The following GABRB1 variants were observed in gnomAD, a reference collection of about 807,000 sequenced individuals.
GABRB1 encodes gamma-aminobutyric acid receptor subunit beta-1.
A neutral mutation model predicts 51.6 loss-of-function variants in GABRB1; 17 were observed. That is an observed-to-expected ratio of 0.33 (90% CI 0.23 to 0.49). The LOEUF is 0.49. Ranked by LOEUF, GABRB1 falls within the 20% of genes least tolerant of loss-of-function variation. The pLI is 0.99. For missense variants in GABRB1, 410 were observed against 600.6 expected (o/e 0.68, Z 3.32); for synonymous variants, 247 against 218.9 (o/e 1.13, Z -1.14).
At chr4:47,306,900 T>A (rs2109946433) in intron 4 of GABRB1, among the ~76,000 whole-genome samples, 1 of 152,322 alleles carries the variant, frequency 6.6e-6, no homozygotes, top group Non-Finnish European at 1.5e-5. Flanking sequence ...TGGTGTTTAC[T>A]CATTTTGCTT....
At chr4:47,111,088 T>C (rs928150384) in intron 3 of GABRB1, among the ~76,000 whole-genome samples, 2 of 152,218 alleles carry the variant, frequency 1.3e-5, no homozygotes, top group African/African-American at 2.4e-5. Context: ...AATATTGCAT[T>C]AATTTTCAGT....
chr4:47,026,071 T>C lies in GABRB1; in HGVS notation c.-19-5843T>C, dbSNP rs552811086. 2.1e-3 allele frequency among the ~76,000 whole-genome samples: 316 copies of C among 152,196 alleles called. 4 individuals are homozygous for C. The highest frequency in any genetic ancestry group is 2.0e-3 in the Non-Finnish European group (135 of 67,948). On this transcript the variant is annotated intron_variant, in intron 1 of 3. Transcript: ENST00000513567. The stretch of plus-strand genomic sequence containing the variant: ...TTTTGCTGGCCGCAATGGCAGCTAC[T>C]CTGAAGGCCGAGGTGGGAGGATCTC...
At chr4:47,389,546 T>A (rs1727915346) in intron 5 of GABRB1, among the ~76,000 whole-genome samples, 1 of 152,348 alleles carries the variant, frequency 6.6e-6, no homozygotes, top group African/African-American at 2.4e-5. Context: ...TTATCAGGAA[T>A]CAAACATTAA....
intron 4 of GABRB1, among the ~76,000 whole-genome samples, chr4:47,278,071 T>C (rs868201226): frequency 6.6e-6 from 1 of 152,088 alleles, no homozygotes; most frequent in African/African-American, 2.4e-5. Flanking sequence ...AGTTTTATAT[T>C]TGGAGAGACA....
intron 4 of GABRB1, among the ~76,000 whole-genome samples, chr4:47,244,143 A>G (rs1332609663): frequency 6.6e-6 from 1 of 152,144 alleles, no homozygotes; most frequent in East Asian, 1.9e-4. Context: ...TGAGATAATT[A>G]TGTGGTTTTT....
In GABRB1 at chr4:47,340,763, A is replaced by G. The variant is rs548275337; in HGVS notation, c.544+20554A>G. Reference sequence around the variant, plus strand: ...CACTCAGGCCATAGCAGGTAACAATACATCTCTTTGGCAAACTCAAACCTG... The same window carrying G: ...CACTCAGGCCATAGCAGGTAACAATGCATCTCTTTGGCAAACTCAAACCTG... On this transcript the variant is annotated intron_variant, in intron 5 of 8. Transcript: ENST00000295454. Among the ~76,000 whole-genome samples the G allele has an allele frequency of 3.9e-5, 6 of 152,326 alleles. No individual in the cohort carries two copies. In the South Asian group the frequency reaches 1.2e-3, roughly 32 times the overall value.
At chr4:47,113,253 T>C (rs1577919001) in intron 3 of GABRB1, among the ~76,000 whole-genome samples, 2 of 151,786 alleles carry the variant, frequency 1.3e-5, no homozygotes, top group East Asian at 3.9e-4. Flanking sequence ...GGGTGTGGTG[T>C]CGTGCACCTG....
chr4:47,052,148 A>G (rs1052338699), intron 3 of GABRB1, among the ~76,000 whole-genome samples: 1 of 152,126 alleles, frequency 6.6e-6, no homozygotes, highest in Non-Finnish European at 1.5e-5. Context: ...AATAAATAAG[A>G]TAAAGTATGA....
At chr4:47,370,258 G>T (rs185444950) in intron 5 of GABRB1, among the ~76,000 whole-genome samples, 1 of 152,178 alleles carries the variant, frequency 6.6e-6, no homozygotes, top group African/African-American at 2.4e-5. Flanking sequence ...GGTGGCCGAG[G>T]CGAGTGGATC....
chr4:47,070,149 C>T (rs943760823), intron 3 of GABRB1, among the ~76,000 whole-genome samples: 1 of 152,040 alleles, frequency 6.6e-6, no homozygotes, highest in Admixed American at 6.6e-5. Context: ...CATTCTCCTG[C>T]CTCAGCCTCC....
chr4:47,116,228 T>A (rs1011468038), intron 3 of GABRB1, among the ~76,000 whole-genome samples: 1 of 152,230 alleles, frequency 6.6e-6, no homozygotes, highest in Non-Finnish European at 1.5e-5. Flanking sequence ...ATTTGTGTTT[T>A]TTTTTCCTAG....
rs1415138285 is a variant in GABRB1, at chr4:47,358,699, C to T, written c.544+38490C>T. On this transcript the variant is annotated intron_variant, in intron 5 of 8. Transcript: ENST00000295454. Reference sequence around the variant, plus strand: ...TCTGCAAAGACCCTATCTCCAAACACAGTCAGAATCTGAAGTTAGAACTCC... The same window carrying T: ...TCTGCAAAGACCCTATCTCCAAACATAGTCAGAATCTGAAGTTAGAACTCC... Among the ~76,000 whole-genome samples, 4 of 152,110 alleles carry T rather than the reference C, an allele frequency of 2.6e-5. No homozygotes were observed. The East Asian group carries it at 7.7e-4, about 29-fold the overall frequency.
chr4:47,065,924 A>G (rs997775632), intron 3 of GABRB1, among the ~76,000 whole-genome samples: 3 of 152,252 alleles, frequency 2.0e-5, no homozygotes, highest in African/African-American at 7.2e-5. Context: ...TCAAAATTAT[A>G]TGATTAGTTA....
intron 4 of GABRB1, among the ~76,000 whole-genome samples, chr4:47,211,558 G>T (rs780949572): frequency 2.6e-5 from 4 of 152,152 alleles, no homozygotes; most frequent in Non-Finnish European, 5.9e-5. Context: ...AAAGGGGATG[G>T]TGTGCTACCT....
chr4:47,034,520 T>C (rs1725467754), intron 3 of GABRB1, among the ~76,000 whole-genome samples: 1 of 152,216 alleles, frequency 6.6e-6, no homozygotes, highest in Non-Finnish European at 1.5e-5. Flanking sequence ...ATACCTGTTC[T>C]ACTACAATCC....
chr4:47,001,359 G>C (rs112549950), intron 1 of GABRB1, among the ~76,000 whole-genome samples: 123 of 152,146 alleles, frequency 8.1e-4, no homozygotes, highest in Non-Finnish European at 1.2e-3. Context: ...AGCCAGGATG[G>C]TCTGAATCTC....
At chr4:47,235,378 G>A (rs1992456) in intron 4 of GABRB1, among the ~76,000 whole-genome samples, 1,801 of 152,094 alleles carry the variant, frequency 0.012, 32 homozygotes, top group African/African-American at 0.042. Context: ...GGTGAAACCC[G>A]TCTCTACTAA....
At chr4:47,134,704 G>A (rs1443380462) in intron 3 of GABRB1, among the ~76,000 whole-genome samples, 1 of 152,174 alleles carries the variant, frequency 6.6e-6, no homozygotes, top group Non-Finnish European at 1.5e-5. Context: ...AGATAAAGAT[G>A]AAATAATTCC....
At chr4:46,994,023 G>A (rs1015692212) in intron 1 of GABRB1, 1 of 153,232 alleles carries the variant, frequency 6.5e-6, no homozygotes, top group Admixed American at 6.5e-5. Context: ...GCGGTGGTGA[G>A]GAGAGGGGAT....
Sources: allele counts gnomAD v4.1 joint callset (sites outside exome capture counted in the v4.1 genomes callset), GRCh38; gene constraint gnomAD v4.1.1; transcripts MANE v1.5; gene names NCBI Gene and HGNC (gene_info 2026-07-23, HGNC 2026-07-21).